Variants in SIPA1L1 observed in about 807,000 individuals in gnomAD.
The protein encoded by SIPA1L1 is signal-induced proliferation-associated 1-like protein 1.
SIPA1L1 carries 26 observed loss-of-function variants against 162.7 expected under a neutral mutation model. The observed-to-expected ratio is 0.16, with a 90% CI of 0.12 to 0.22. The LOEUF is 0.22. SIPA1L1 is among the 10% of genes least tolerant of loss of function. SIPA1L1 has a pLI of 1.00. For missense variants in SIPA1L1, 1,874 were observed against 2,241.0 expected (o/e 0.84, Z 3.31); for synonymous variants, 829 against 837.4 (o/e 0.99, Z 0.17).
rs1434411130 is a variant in SIPA1L1, at chr14:71,735,399, C to A, written c.5123+8C>A. 2 of 1,586,134 alleles carry A rather than the reference C, an allele frequency of 1.3e-6. No individual in the cohort carries two copies. The highest frequency in any genetic ancestry group is 1.7e-5 in the Admixed American group (1 of 59,966). ...GATGAAGCCTTACAGCAGGTTGGTC[C>A]CAGTGCAAGGGCAGTACTCTGCACC... On this transcript the variant is annotated splice_region_variant and intron_variant, in intron 22 of 23. Coordinates refer to ENST00000381232, the MANE Select transcript of SIPA1L1 (RefSeq NM_001386936.1).
chr14:71,360,946 C>G (rs548318594), intron 2 of SIPA1L1, among the ~76,000 whole-genome samples: 2 of 152,132 alleles, frequency 1.3e-5, no homozygotes, highest in South Asian at 4.2e-4. Flanking sequence ...TATTTTGTGT[C>G]TTTTTCCTAG....
chr14:71,502,624 G>A (rs1471303904), intron 2 of SIPA1L1, among the ~76,000 whole-genome samples: 3 of 152,150 alleles, frequency 2.0e-5, no homozygotes, highest in East Asian at 1.9e-4. Context: ...ATGAAAACTT[G>A]TCAACATTTA....
chr14:71,359,686 G>A (rs563863961), intron 2 of SIPA1L1, among the ~76,000 whole-genome samples: 7 of 152,190 alleles, frequency 4.6e-5, no homozygotes, highest in African/African-American at 1.7e-4. Context: ...AATTGAGGAT[G>A]GCAAAATCAT....
intron 5 of SIPA1L1, among the ~76,000 whole-genome samples, chr14:71,589,593 A>G (rs2035008822): frequency 6.6e-6 from 1 of 152,184 alleles, no homozygotes; most frequent in Non-Finnish European, 1.5e-5. Context: ...GTTAAATAGT[A>G]CTTTTACAAA....
At chr14:71,371,649 C>T (rs548420047) in intron 2 of SIPA1L1, among the ~76,000 whole-genome samples, 4 of 152,276 alleles carry the variant, frequency 2.6e-5, no homozygotes, top group Admixed American at 2.0e-4. Flanking sequence ...ATCCACCTGC[C>T]TCTGCCTCCC....
At chr14:71,584,496 C>T (rs1596275086) in intron 4 of SIPA1L1, among the ~76,000 whole-genome samples, 2 of 152,304 alleles carry the variant, frequency 1.3e-5, no homozygotes, top group East Asian at 3.9e-4. Context: ...TCTGTGTCTC[C>T]CTGCTACACC....
At chr14:71,659,697 A>G (rs2043345174) in intron 9 of SIPA1L1, among the ~76,000 whole-genome samples, 1 of 152,198 alleles carries the variant, frequency 6.6e-6, no homozygotes, top group African/African-American at 2.4e-5. Flanking sequence ...TGAGATTTGT[A>G]AGGGTAAAAA....
intron 5 of SIPA1L1, among the ~76,000 whole-genome samples, chr14:71,609,951 A>G (rs1002811264): frequency 6.6e-6 from 1 of 152,052 alleles, no homozygotes; most frequent in African/African-American, 2.4e-5. Context: ...CCAAGCATAT[A>G]TTGAAGCACA....
rs753095022 is a variant in SIPA1L1 at position 71,730,101 on chromosome 14, C to T, written c.4661C>T (p.Thr1554Ile). Residue 1554 changes from threonine to isoleucine, a missense_variant, in exon 20 of 24, where the codon ACC becomes ATC. This residue lies in a region of SIPA1L1 where 936 missense variants were observed against 1,051.9 expected (regional missense o/e 0.89). Coordinates refer to ENST00000381232, the MANE Select transcript of SIPA1L1 (RefSeq NM_001386936.1). Reference sequence around the variant, plus strand: ...CAGTCTCCTTTCCCCAGCACCCCCACCTCACGGCGGGCCTTGCACAGAACA... The same window carrying T: ...CAGTCTCCTTTCCCCAGCACCCCCATCTCACGGCGGGCCTTGCACAGAACA... ...SPQSPFPSTP[T>I]SRRALHRTLS... 6.2e-7 allele frequency: 1 copy of T among 1,614,196 alleles called. No individual in the cohort carries two copies. Among genetic ancestry groups the T allele is most frequent in the Non-Finnish European group, 8.5e-7 (1 of 1,180,034 alleles).
At position 71,481,171 on chromosome 14, in the gene SIPA1L1, C is replaced by T. The variant is rs189639836; in HGVS notation, c.-464-31572C>T. 3.8e-3 allele frequency among the ~76,000 whole-genome samples: 573 copies of T among 152,170 alleles called. 4 individuals carry two copies. Among genetic ancestry groups the T allele is most frequent in the Non-Finnish European group, 6.5e-3 (442 of 67,990 alleles). On this transcript the variant is annotated intron_variant, in intron 2 of 23. Coordinates refer to ENST00000381232, the MANE Select transcript of SIPA1L1 (RefSeq NM_001386936.1). ...TCTGAACCCCTTGCATAAGTTCAGG[C>T]GAATTAGAGAATATAGGGAAGTCCA...
chr14:71,443,081 A>T (rs2045042886), intron 2 of SIPA1L1, among the ~76,000 whole-genome samples: 1 of 152,220 alleles, frequency 6.6e-6, no homozygotes, highest in East Asian at 1.9e-4. Context: ...GACATAATTC[A>T]TGTTGGAACC....
intron 7 of SIPA1L1, among the ~76,000 whole-genome samples, 188 bp downstream of exon 7, chr14:71,624,424 A>C (rs2039759533): frequency 1.3e-5 from 2 of 152,218 alleles, no homozygotes; most frequent in African/African-American, 2.4e-5. Flanking sequence ...ATCTGATGAA[A>C]TTCTGCATGT....
intron 5 of SIPA1L1, among the ~76,000 whole-genome samples, chr14:71,609,709 C>T (rs1193312176): frequency 6.6e-6 from 1 of 151,982 alleles, no homozygotes; most frequent in Non-Finnish European, 1.5e-5. Flanking sequence ...TCAAGCAATC[C>T]ATCCACCTCG....
At chr14:71,329,957 A>G (rs954963624) in intron 2 of SIPA1L1, among the ~76,000 whole-genome samples, 1 of 152,184 alleles carries the variant, frequency 6.6e-6, no homozygotes, top group Non-Finnish European at 1.5e-5. Flanking sequence ...CTCTGGCAAT[A>G]CAAGGATGGG....
intron 2 of SIPA1L1, among the ~76,000 whole-genome samples, chr14:71,444,981 A>G (rs1443086476): frequency 6.6e-6 from 1 of 152,208 alleles, no homozygotes; most frequent in African/African-American, 2.4e-5. Flanking sequence ...AGGTGGTTCC[A>G]GGTGGTTCTA....
rs1333906050 is a variant in SIPA1L1 at position 71,396,731 on chromosome 14, AGTTT to A, written c.-465+75551_-465+75554del. 2.6e-5 allele frequency among the ~76,000 whole-genome samples: 4 copies of A among 152,280 alleles called. No individual in the cohort carries two copies. In the South Asian group the frequency reaches 6.2e-4, roughly 24 times the overall value. On this transcript the variant is annotated intron_variant, in intron 2 of 23. Transcript: ENST00000381232. ...TGTTGTTTTGAGTAGCATTGTTAGTAGTTTATCATATGTTATATTATGCTACATG... is the reference window on the plus strand; with the variant it reads ...TGTTGTTTTGAGTAGCATTGTTAGTAATCATATGTTATATTATGCTACATG...
Position 71,536,159 on chromosome 14 carries a change from T to C in SIPA1L1, c.-303+6789T>C, listed in dbSNP as rs138142801. Among the ~76,000 whole-genome samples the C allele has an allele frequency of 2.1e-3, 313 of 152,246 alleles. 1 individual carries two copies. The highest frequency in any genetic ancestry group is 7.0e-3 in the African/African-American group (289 of 41,538). ...AAAAAGAGTCTGGCTTTCAAATCAT[T>C]ACACTACAAAGGTTTATGTAAGCAA... On this transcript the variant is annotated intron_variant, in intron 4 of 23. Coordinates refer to ENST00000381232, the MANE Select transcript of SIPA1L1 (RefSeq NM_001386936.1).
At chr14:71,636,819 A>T (rs1207403362) in intron 7 of SIPA1L1, among the ~76,000 whole-genome samples, 4 of 152,170 alleles carry the variant, frequency 2.6e-5, no homozygotes, top group Non-Finnish European at 5.9e-5. Flanking sequence ...AGGTGGGCAG[A>T]TCACTTGCGA....
At chr14:71,551,166 G>C (rs898095288) in intron 4 of SIPA1L1, among the ~76,000 whole-genome samples, 2 of 152,138 alleles carry the variant, frequency 1.3e-5, no homozygotes, top group African/African-American at 4.8e-5. Flanking sequence ...GACCAAATCA[G>C]TTGAGGCTGA....
Sources: allele counts gnomAD v4.1 joint callset (sites outside exome capture counted in the v4.1 genomes callset), GRCh38; gene constraint gnomAD v4.1.1; regional missense constraint gnomAD v4.1.1; transcripts MANE v1.5; gene names NCBI Gene and HGNC (gene_info 2026-07-23, HGNC 2026-07-21).